The following KCNIP4 variants were observed in gnomAD, a reference collection of about 807,000 sequenced individuals.
The protein encoded by KCNIP4 is Kv channel-interacting protein 4.
Under a neutral mutation model 34.0 loss-of-function variants are expected in KCNIP4, and 12 were observed. The observed-to-expected ratio is 0.35, with a 90% CI of 0.23 to 0.57. The LOEUF is 0.57. Among genes scored for constraint, KCNIP4 ranks in the 20% least tolerant of loss-of-function variants. The probability of loss-of-function intolerance (pLI) is 0.83; values close to 1 mark genes in which losing one functional copy is unlikely to be tolerated. For synonymous variants in KCNIP4, 124 were observed against 102.2 expected, an observed-to-expected ratio of 1.21 and a Z score of -1.29; for missense variants, 238 against 311.7, an observed-to-expected ratio of 0.76 and a Z score of 1.78.
At position 21,256,635 on chromosome 4, in the gene KCNIP4, G is replaced by T. The variant is rs1761082809; in HGVS notation, c.62-373926C>A. Among the ~76,000 whole-genome samples, 3 of 151,952 alleles carry T rather than the reference G, an allele frequency of 2.0e-5. 1 individual carries two copies. Among genetic ancestry groups the T allele is most frequent in the Admixed American group, 1.3e-4 (2 of 15,248 alleles). On this transcript the variant is annotated intron_variant, in intron 1 of 8. Transcript: ENST00000382152. ...AAAGAGAGATAAGTAAGAGAATTTGGAGAGGTTTTGGATACCATGCTAATT... is the reference window on the plus strand; with the variant it reads ...AAAGAGAGATAAGTAAGAGAATTTGTAGAGGTTTTGGATACCATGCTAATT...
intron 1 of KCNIP4, among the ~76,000 whole-genome samples, chr4:21,191,712 A>G (rs7686656): frequency 0.41 from 61,736 of 152,030 alleles, 13,648 homozygotes; most frequent in African/African-American, 0.6. Context: ...AGTCTTTTAA[A>G]TGATGTATGA....
At chr4:20,969,479 C>G (rs1004981463) in intron 1 of KCNIP4, among the ~76,000 whole-genome samples, 1 of 152,100 alleles carries the variant, frequency 6.6e-6, no homozygotes, top group Admixed American at 6.5e-5. Context: ...ACCCAAACCC[C>G]CGGTTACTCC....
At chr4:21,472,160 G>C (rs1730522570) in intron 1 of KCNIP4, among the ~76,000 whole-genome samples, 1 of 152,084 alleles carries the variant, frequency 6.6e-6, no homozygotes. Flanking sequence ...ACATTCCTAG[G>C]CATCTTTCCT....
chr4:20,995,576 C>T (rs931257669), intron 1 of KCNIP4, among the ~76,000 whole-genome samples: 8 of 152,212 alleles, frequency 5.3e-5, no homozygotes, highest in African/African-American at 1.9e-4. Flanking sequence ...GCCACACTCA[C>T]ATTGCCTCTC....
chr4:21,605,064 T>C (rs1201556832), intron 1 of KCNIP4, among the ~76,000 whole-genome samples: 1 of 152,198 alleles, frequency 6.6e-6, no homozygotes, highest in Non-Finnish European at 1.5e-5. Context: ...GGTGGGATTC[T>C]TGCGGGCTGG....
At chr4:21,591,464 T>TA (rs1454368242) in intron 1 of KCNIP4, among the ~76,000 whole-genome samples, 11 of 152,136 alleles carry the variant, frequency 7.2e-5, no homozygotes, top group African/African-American at 2.6e-4. Context: ...CTACGTAAAT[T>TA]AAAAAAACTG....
chr4:21,385,691 A>G (rs937552165), intron 1 of KCNIP4, among the ~76,000 whole-genome samples: 1 of 152,326 alleles, frequency 6.6e-6, no homozygotes, highest in Admixed American at 6.5e-5. Context: ...TGTCATCACC[A>G]TCATATCCCT....
At chr4:21,018,279 G>A (rs1227615952) in intron 1 of KCNIP4, among the ~76,000 whole-genome samples, 1 of 152,120 alleles carries the variant, frequency 6.6e-6, no homozygotes, top group Non-Finnish European at 1.5e-5. Flanking sequence ...ACAAGTATCT[G>A]TTGAATAGAT....
At chr4:21,067,012 G>A (rs1222442648) in intron 1 of KCNIP4, among the ~76,000 whole-genome samples, 2 of 152,108 alleles carry the variant, frequency 1.3e-5, no homozygotes, top group African/African-American at 4.8e-5. Flanking sequence ...TTTGAGGAGA[G>A]GAGAAGGGAG....
intron 1 of KCNIP4, among the ~76,000 whole-genome samples, chr4:20,909,148 G>A (rs116050889): frequency 0.015 from 2,348 of 152,290 alleles, 29 homozygotes; most frequent in South Asian, 0.025. Context: ...GCTACAAACG[G>A]TTTGCTTATT....
chr4:20,857,829 TCCTATGGTGGA>T (rs1721765499), intron 2 of KCNIP4, among the ~76,000 whole-genome samples: 1 of 152,132 alleles, frequency 6.6e-6, no homozygotes, highest in Non-Finnish European at 1.5e-5. Flanking sequence ...TGACTTCTGG[TCCTATGGTGGA>T]CTGAATTGTG....
intron 1 of KCNIP4, among the ~76,000 whole-genome samples, chr4:21,280,913 G>A (rs1762733684): frequency 6.6e-6 from 1 of 152,092 alleles, no homozygotes; most frequent in South Asian, 2.1e-4. Flanking sequence ...AGTTGGAGAT[G>A]TGAATGCTCC....
chr4:21,402,238 A>C (rs758894860), intron 1 of KCNIP4, among the ~76,000 whole-genome samples: 34 of 152,158 alleles, frequency 2.2e-4, no homozygotes, highest in Non-Finnish European at 4.7e-4. Flanking sequence ...TTAGTGCTAT[A>C]TTTTTTAAGG....
rs78574256 is a variant in KCNIP4 at position 21,348,151 on chromosome 4, C to T, written c.62-465442G>A. On this transcript the variant is annotated intron_variant, in intron 1 of 8. Transcript: ENST00000382152. ...TTACCTGGATTTCAGGAGTATTGAG[C>T]TTGACTGGTATATCGATTTTTTTCC... Among the ~76,000 whole-genome samples, 209 of 152,282 alleles carry T rather than the reference C, an allele frequency of 1.4e-3. 1 individual carries two copies. In the East Asian group the frequency reaches 0.031, roughly 22 times the overall value.
intron 1 of KCNIP4, among the ~76,000 whole-genome samples, chr4:21,534,107 T>C (rs1157842878): frequency 1.3e-5 from 2 of 152,198 alleles, no homozygotes; most frequent in Admixed American, 6.5e-5. Context: ...TCCTTCTTTA[T>C]AAAATTGCAA....
At chr4:20,902,399 G>T (rs1220404776) in intron 1 of KCNIP4, among the ~76,000 whole-genome samples, 1 of 152,060 alleles carries the variant, frequency 6.6e-6, no homozygotes, top group Non-Finnish European at 1.5e-5. Context: ...TGAAAACAAG[G>T]AGCCACGGCA....
At chr4:21,899,864 A>G (rs945938470) in intron 1 of KCNIP4, among the ~76,000 whole-genome samples, 2 of 152,156 alleles carry the variant, frequency 1.3e-5, no homozygotes, top group African/African-American at 4.8e-5. Context: ...TCTATACTAC[A>G]TAAGCAATCT....
At chr4:21,945,883 T>C (rs1730486787) in intron 1 of KCNIP4, among the ~76,000 whole-genome samples, 1 of 151,266 alleles carries the variant, frequency 6.6e-6, no homozygotes, top group Non-Finnish European at 1.5e-5. Flanking sequence ...AGGGCAAAAG[T>C]GAGCACTCTA....
chr4:21,723,780 G>A (rs138817183), intron 1 of KCNIP4, among the ~76,000 whole-genome samples: 2 of 152,168 alleles, frequency 1.3e-5, no homozygotes, highest in East Asian at 3.9e-4. Flanking sequence ...ATTTCTCAGG[G>A]ATTATCTGGT....
Sources: allele counts gnomAD v4.1 joint callset (sites outside exome capture counted in the v4.1 genomes callset), GRCh38; gene constraint gnomAD v4.1.1; transcripts MANE v1.5; gene names NCBI Gene and HGNC (gene_info 2026-07-23, HGNC 2026-07-21).